Variants in ROBO1 observed in about 807,000 individuals in gnomAD.
The protein encoded by ROBO1 is roundabout homolog 1.
In ROBO1, 149 loss-of-function variants were observed where a neutral mutation model predicts 195.9. The observed-to-expected ratio is 0.76, with a 90% confidence interval of 0.67 to 0.87. ROBO1 has a LOEUF of 0.87. ROBO1 is among the 40% of genes least tolerant of loss of function. ROBO1 has a pLI of 0.00. For synonymous variants in ROBO1, 816 were observed against 733.2 expected (o/e 1.11, Z -1.82); for missense variants, 1,933 against 2,068.3 (o/e 0.93, Z 1.27).
intron 4 of ROBO1, among the ~76,000 whole-genome samples, chr3:78,895,697 G>A (rs2037185657): frequency 6.6e-6 from 1 of 152,206 alleles, no homozygotes; most frequent in African/African-American, 2.4e-5. Flanking sequence ...ATCAAGTGAA[G>A]TCACTGAACA....
At chr3:79,473,246 T>G (rs1336543550) in intron 2 of ROBO1, among the ~76,000 whole-genome samples, 1 of 152,018 alleles carries the variant, frequency 6.6e-6, no homozygotes, top group Non-Finnish European at 1.5e-5. Context: ...GAGAAGACCA[T>G]GTGAAGACTG....
chr3:78,948,389 T>C (rs1435801487), intron 3 of ROBO1, among the ~76,000 whole-genome samples: 2 of 152,140 alleles, frequency 1.3e-5, no homozygotes, highest in Non-Finnish European at 2.9e-5. Context: ...TAATCCAGCT[T>C]ATAAACAGAA....
At chr3:78,622,896 C>T (rs1704539713) in intron 26 of ROBO1, among the ~76,000 whole-genome samples, 1 of 152,192 alleles carries the variant, frequency 6.6e-6, no homozygotes, top group Admixed American at 6.5e-5. Flanking sequence ...ACATCAGACA[C>T]ATGAGTGAAG....
intron 1 of ROBO1, among the ~76,000 whole-genome samples, chr3:79,615,251 A>G (rs1944784021): frequency 6.6e-6 from 1 of 152,262 alleles, no homozygotes; most frequent in African/African-American, 2.4e-5. Context: ...CTTAAATACT[A>G]ACTTCTATTG....
At chr3:78,733,414 T>A (rs3773239) in intron 5 of ROBO1, among the ~76,000 whole-genome samples, 33,485 of 151,892 alleles carry the variant, frequency 0.22, 3,791 homozygotes, top group East Asian at 0.24. Flanking sequence ...TTTTTAAAGA[T>A]TACAATTCAT....
intron 1 of ROBO1, among the ~76,000 whole-genome samples, chr3:79,608,788 T>C (rs1210351661): frequency 6.6e-6 from 1 of 152,068 alleles, no homozygotes; most frequent in Admixed American, 6.6e-5. Flanking sequence ...TCCCTAATGA[T>C]CACTCTTGCC....
intron 1 of ROBO1, among the ~76,000 whole-genome samples, chr3:79,650,034 A>C (rs993948116): frequency 6.6e-6 from 1 of 152,086 alleles, no homozygotes; most frequent in Non-Finnish European, 1.5e-5. Context: ...TTTCTAAGAC[A>C]CTTTGAACAA....
chr3:78,923,123 G>C (rs1022872444), intron 4 of ROBO1, among the ~76,000 whole-genome samples: 18 of 152,066 alleles, frequency 1.2e-4, no homozygotes, highest in African/African-American at 4.3e-4. Flanking sequence ...AGAAAATGAA[G>C]TCACAGAGTT....
intron 2 of ROBO1, among the ~76,000 whole-genome samples, chr3:79,554,148 A>G (rs73118850): frequency 0.26 from 40,032 of 151,772 alleles, 5,513 homozygotes; most frequent in Non-Finnish European, 0.32. Context: ...ATTATCCTTG[A>G]TGTCTTAATA....
chr3:79,329,610 T>C (rs761186916), intron 2 of ROBO1, among the ~76,000 whole-genome samples: 4 of 152,218 alleles, frequency 2.6e-5, no homozygotes, highest in Non-Finnish European at 5.9e-5. Flanking sequence ...TTGAAAATTG[T>C]AAAGCACTAT....
chr3:78,789,870 C>T (rs1403589967), intron 4 of ROBO1, among the ~76,000 whole-genome samples: 3 of 152,310 alleles, frequency 2.0e-5, no homozygotes, highest in East Asian at 1.9e-4. Flanking sequence ...TCAGCCACCA[C>T]CTTTGTTGAA....
chr3:79,422,193 T>A (rs926012538), intron 2 of ROBO1, among the ~76,000 whole-genome samples: 3 of 148,428 alleles, frequency 2.0e-5, no homozygotes, highest in Non-Finnish European at 3.0e-5. Context: ...TTATATTATA[T>A]ATTTTGTATC....
intron 3 of ROBO1, among the ~76,000 whole-genome samples, chr3:78,940,578 C>A (rs2040077249): frequency 6.6e-6 from 1 of 152,216 alleles, no homozygotes; most frequent in Non-Finnish European, 1.5e-5. Flanking sequence ...TTATGCCTGC[C>A]ACAGGGCCTG....
intron 8 of ROBO1, among the ~76,000 whole-genome samples, chr3:78,700,970 G>T (rs1046761111): frequency 3.2e-4 from 48 of 151,968 alleles, no homozygotes; most frequent in Admixed American, 1.3e-3. Flanking sequence ...TGCCATGTTG[G>T]CCAGGCTTGT....
intron 2 of ROBO1, among the ~76,000 whole-genome samples, chr3:79,560,789 G>A (rs1942889845): frequency 6.6e-6 from 1 of 151,804 alleles, no homozygotes; most frequent in Non-Finnish European, 1.5e-5. Context: ...ATGTACAAAT[G>A]AAAGAAAAAC....
At chr3:78,812,510 A>T (rs1469116208) in intron 4 of ROBO1, among the ~76,000 whole-genome samples, 2 of 152,094 alleles carry the variant, frequency 1.3e-5, no homozygotes, top group Non-Finnish European at 2.9e-5. Context: ...ATACTCAATG[A>T]TGATTATCCT....
intron 2 of ROBO1, among the ~76,000 whole-genome samples, chr3:79,442,171 A>T (rs1333709874): frequency 2.6e-5 from 4 of 152,190 alleles, no homozygotes; most frequent in Non-Finnish European, 5.9e-5. Context: ...CTTTACATTC[A>T]AGATGAAATC....
chr3:79,611,643 A>C (rs1282998577), intron 1 of ROBO1, among the ~76,000 whole-genome samples: 1 of 152,158 alleles, frequency 6.6e-6, no homozygotes, highest in Non-Finnish European at 1.5e-5. Context: ...AGGAACAGAA[A>C]ACCAAACACT....
intron 2 of ROBO1, among the ~76,000 whole-genome samples, chr3:79,260,918 C>A (rs1405205888): frequency 6.6e-6 from 1 of 152,008 alleles, no homozygotes; most frequent in Non-Finnish European, 1.5e-5. Flanking sequence ...GAACTCTGCT[C>A]AATTCTATAT....
Sources: gnomAD v4.1 joint callset for allele counts (sites outside exome capture counted in the v4.1 genomes callset) on GRCh38, gnomAD v4.1.1 for gene constraint, MANE v1.5 for transcripts, NCBI Gene and HGNC (gene_info 2026-07-23, HGNC 2026-07-21) for gene names.